Variants in NBPF12 observed in about 807,000 individuals in gnomAD.
NBPF12 encodes NBPF member 12, also known as NBPF family member NBPF12.
In NBPF12, 115 loss-of-function variants were observed where a neutral mutation model predicts 146.4. The ratio of observed to expected loss-of-function variants is 0.79; its 90% CI spans 0.68 to 0.92. The LOEUF is 0.92. NBPF12 is among the 40% of genes least tolerant of loss of function. NBPF12 has a pLI of 0.00. For missense variants in NBPF12, 1,205 were observed against 1,326.8 expected, an observed-to-expected ratio of 0.91 and a Z score of 1.43; for synonymous variants, 385 against 508.9, an observed-to-expected ratio of 0.76 and a Z score of 3.28.
At chr1:146,968,580 G>T (rs1656354801) in intron 10 of NBPF12, 30 bp downstream of exon 13, 4 of 1,553,162 alleles carry the variant, frequency 2.6e-6, no homozygotes, top group Middle Eastern at 2.2e-4. Context: ...GCAGGCAGGG[G>T]GGCAGGTGTG....
Position 146,943,399 on chromosome 1 carries a change from G to A in NBPF12, c.-713G>A. The A allele has an allele frequency of 6.9e-6, 3 of 437,278 alleles. No individual in the cohort carries two copies. In the East Asian group the frequency reaches 1.4e-4, roughly 20 times the overall value. The allele number at this position is 437,278 out of a possible 1,614,324, so 27.1% of individuals were successfully genotyped here. A position where few individuals can be genotyped will look rare whatever the true frequency, so the allele number is the denominator to read the frequency against. On this transcript the variant is annotated 5_prime_UTR_variant, in exon 2 of 36. It adds an upstream start codon to the 5' untranslated region. Transcript: ENST00000617931. ...TCTCCTGAGGATGTCTGGAGCTTCAGTGCTGTGTGCTCTTGGCCTCCACAC... is the reference window on the plus strand; with the variant it reads ...TCTCCTGAGGATGTCTGGAGCTTCAATGCTGTGTGCTCTTGGCCTCCACAC...
Position 146,994,924 on chromosome 1 carries a change from T to A in NBPF12, c.*349T>A, listed in dbSNP as rs1478286147. On this transcript the variant is annotated 3_prime_UTR_variant, in exon 34 of 34. Coordinates refer to ENST00000617844, the Ensembl canonical transcript of NBPF12. ...CTATACCTACTCAAGGTCAGTGTCATCTTTGTGTTTAGTTCATCCAAAGGT... is the reference window on the plus strand; with the variant it reads ...CTATACCTACTCAAGGTCAGTGTCAACTTTGTGTTTAGTTCATCCAAAGGT... 4 of 382,030 alleles carry A rather than the reference T, an allele frequency of 1.0e-5. No homozygotes were observed. The East Asian group carries it at 1.8e-4, about 17-fold the overall frequency. 23.7% of individuals were successfully genotyped at this position (382,030 alleles called of 1,614,324 possible).
intron 6 of NBPF12, 134 bp from the exon 10 acceptor site, chr1:146,964,223 G>T: frequency 4.3e-6 from 6 of 1,409,124 alleles, no homozygotes; most frequent in African/African-American, 1.4e-5. Context: ...AGCATTTTGT[G>T]AAGGATAAAA....
At chr1:146,987,809 A>T (rs1174101881) in intron 25 of NBPF12, 145 bp from the exon 29 acceptor site, 10 of 686,944 alleles carry the variant, frequency 1.5e-5, no homozygotes, top group Non-Finnish European at 1.9e-5. Context: ...CTGTCCCAAC[A>T]TGAAGGCAAT....
chr1:146,977,265 C>T (rs1657104929), intron 17 of NBPF12, among the ~76,000 whole-genome samples: 2 of 146,454 alleles, frequency 1.4e-5, no homozygotes, highest in African/African-American at 2.6e-5. Flanking sequence ...ACAGCAGCTG[C>T]TCTCTTCCTC....
exon 9 of NBPF12, chr1:146,966,545 A>G (rs1570849985): frequency 1.4e-6 from 2 of 1,443,594 alleles, no homozygotes; most frequent in East Asian, 4.5e-5. Context: ...GCAGAGATGA[A>G]CATTCTAGAA....
At chr1:146,981,744 T>C (rs1205271897) in intron 19 of NBPF12, among the ~76,000 whole-genome samples, 1 of 151,770 alleles carries the variant, frequency 6.6e-6, no homozygotes, top group Non-Finnish European at 1.5e-5. Context: ...TGGAGGCTTG[T>C]TCATTTCTTT....
chr1:146,948,323 A>G (rs1253595636), upstream of NBPF12, among the ~76,000 whole-genome samples: 1 of 151,856 alleles, frequency 6.6e-6, no homozygotes, highest in Non-Finnish European at 1.5e-5. Context: ...TGTGGGGAAA[A>G]GAAAGAGAGA....
chr1:146,969,249 T>A (rs1441043253), intron 10 of NBPF12, 133 bp from the exon 14 acceptor site: 2 of 1,032,516 alleles, frequency 1.9e-6, no homozygotes, highest in African/African-American at 1.6e-5. Flanking sequence ...GCCACAGTCA[T>A]TCCTTTCAAC....
chr1:146,970,828 C>T, intron 12 of NBPF12, 109 bp downstream of exon 15: 1 of 1,086,264 alleles, frequency 9.2e-7, no homozygotes, highest in East Asian at 2.4e-5. Context: ...ATTCCCTTGG[C>T]CACAGTATGT....
At position 146,972,818 on chromosome 1, in the gene NBPF12, G is replaced by T. The variant is rs1306051183; in HGVS notation, c.1659G>T (p.Glu553Asp). 1.1e-5 allele frequency: 15 copies of T among 1,373,072 alleles called. No homozygotes were observed. The Admixed American group carries it at 2.3e-4, about 22-fold the overall frequency. 85.1% of individuals were successfully genotyped at this position (1,373,072 alleles called of 1,614,324 possible). A position where few individuals can be genotyped will look rare whatever the true frequency, so the allele number is the denominator to read the frequency against. ...TATCAGCCGGCCCTTTGTCCAGCGAGAAGGCAGAGATGAACATTCTAGAAA... is the reference window on the plus strand; with the variant it reads ...TATCAGCCGGCCCTTTGTCCAGCGATAAGGCAGAGATGAACATTCTAGAAA... Residue 553 changes from glutamate to aspartate, a missense_variant, in exon 14 of 34, where the codon GAG (glutamate) becomes GAT (aspartate). Around this residue, in one of 16 missense-constraint regions of NBPF12, gnomAD observed 278 missense variants for 203.1 expected, o/e 1.37. Coordinates refer to ENST00000617844, the Ensembl canonical transcript of NBPF12.
chr1:146,978,314 G>C (rs1209929293), intron 18 of NBPF12, among the ~76,000 whole-genome samples: 2 of 140,618 alleles, frequency 1.4e-5, no homozygotes, highest in East Asian at 4.3e-4. Context: ...ACCTAGGCTG[G>C]AGTGCAGTGG....
At chr1:146,964,195 A>G (rs1457020058) in intron 6 of NBPF12, among the ~76,000 whole-genome samples, 162 bp from the exon 10 acceptor site, 2 of 150,270 alleles carry the variant, frequency 1.3e-5, no homozygotes, top group Non-Finnish European at 2.9e-5. Context: ...TGCCTGATGG[A>G]CCAGGAAACC....
Position 146,970,536 on chromosome 1 carries a change from C to T in NBPF12, c.1307-111C>T. On this transcript the variant is annotated intron_variant, in intron 11 of 33. Coordinates refer to ENST00000617844, the Ensembl canonical transcript of NBPF12. ...GTGAAAGATAAAACATGAGAGTTTTCAGTACAATGCTGAACCATACATAGA... is the reference window on the plus strand; with the variant it reads ...GTGAAAGATAAAACATGAGAGTTTTTAGTACAATGCTGAACCATACATAGA... 3 of 1,373,358 alleles carry T rather than the reference C, an allele frequency of 2.2e-6. No homozygotes were observed. The East Asian group carries it at 6.9e-5, about 32-fold the overall frequency. The allele number at this position is 1,373,358 out of a possible 1,614,324, so 85.1% of individuals were successfully genotyped here. A position where few individuals can be genotyped will look rare whatever the true frequency, so the allele number is the denominator to read the frequency against.
At chr1:146,974,092 A>G (rs1656835437) in intron 14 of NBPF12, among the ~76,000 whole-genome samples, 2 of 150,490 alleles carry the variant, frequency 1.3e-5, no homozygotes, top group Admixed American at 1.3e-4. Context: ...TCAATCTCCT[A>G]GAACATTTAT....
chr1:146,984,829 C>G, exon 22 of NBPF12: 2 of 1,532,816 alleles, frequency 1.3e-6, no homozygotes, highest in Non-Finnish European at 1.8e-6. Context: ...CAGGGAGCTG[C>G]TGGCTGAGAA....
At chr1:146,974,144 G>C (rs1553886995) in intron 14 of NBPF12, among the ~76,000 whole-genome samples, 16,681 of 149,704 alleles carry the variant, frequency 0.11, 1,346 homozygotes, top group East Asian at 0.22. Flanking sequence ...TCATTCTGCT[G>C]TTTCTAAATT....
chr1:146,995,039 C>A, exon 34 of NBPF12: 1 of 181,846 alleles, frequency 5.5e-6, no homozygotes, highest in South Asian at 1.1e-4. Flanking sequence ...CAGGAGGGAT[C>A]CTTGGCTGAG....
intron 1 of NBPF12, among the ~76,000 whole-genome samples, chr1:146,941,052 T>C (rs1654779752): frequency 6.6e-6 from 1 of 152,094 alleles, no homozygotes; most frequent in South Asian, 2.1e-4. Flanking sequence ...TTTTCACTCT[T>C]TTAATGATGT....
Sources: gnomAD v4.1 joint callset for allele counts (sites outside exome capture counted in the v4.1 genomes callset) on GRCh38, gnomAD v4.1.1 for gene constraint, gnomAD v4.1.1 regional missense constraint, MANE v1.5 for transcripts, NCBI Gene and HGNC (gene_info 2026-07-23, HGNC 2026-07-21) for gene names.